MYH7B: variants seen among roughly 807,000 people sequenced by gnomAD.
MYH7B encodes the protein myosin-7B.
MYH7B carries 205 observed loss-of-function variants against 234.5 expected under a neutral mutation model. That is an observed-to-expected ratio of 0.87 (90% CI 0.78 to 0.98). The LOEUF (loss-of-function observed/expected upper bound fraction) is 0.98. Among genes scored for constraint, MYH7B ranks in the 50% least tolerant of loss-of-function variants. MYH7B has a pLI of 0.00. For missense variants in MYH7B, 2,652 were observed against 2,633.4 expected, an observed-to-expected ratio of 1.01 and a Z score of -0.15; for synonymous variants, 1,193 against 1,105.0, an observed-to-expected ratio of 1.08 and a Z score of -1.58.
chr20:34,988,257 G>A (rs1293406286), exon 19 of MYH7B: 15 of 1,611,374 alleles, frequency 9.3e-6, no homozygotes, highest in Admixed American at 1.7e-5. Context: ...CGACCTCATC[G>A]AGAAGGTGGG....
At chr20:34,982,591 T>G (rs372118883) in intron 10 of MYH7B, 36 bp downstream of exon 10, 3 of 1,472,468 alleles carry the variant, frequency 2.0e-6, no homozygotes, top group African/African-American at 1.4e-5. Context: ...TCCCCGTTGC[T>G]TCTCGCTGTT....
chr20:34,995,755 C>T (rs1186124090), intron 28 of MYH7B, among the ~76,000 whole-genome samples, 177 bp downstream of exon 28: 1 of 152,246 alleles, frequency 6.6e-6, no homozygotes, highest in East Asian at 1.9e-4. Flanking sequence ...AGCACTTACC[C>T]CATTAGGGTA....
chr20:34,999,854 G>C lies in MYH7B; in HGVS notation c.4729G>C (p.Ala1577Pro). 1.2e-6 allele frequency: 2 copies of C among 1,607,604 alleles called. No homozygotes were observed. The highest frequency in any genetic ancestry group is 1.7e-6 in the Non-Finnish European group (2 of 1,177,092). The change falls in exon 38 of 45, where the codon GCA (alanine) becomes CCA (proline). Residue 1577 changes from alanine to proline, a missense_variant. By Grantham distance (27) the Ala-to-Pro change is conservative. Transcript: ENST00000262873. ...CCAGCTGGAGCTCTCCCAGGTCAAA[G>C]CAGAAGTGGACCGGAAGCTGGCAGA...
chr20:34,968,744 G>T (rs1023896496), intron 2 of MYH7B, among the ~76,000 whole-genome samples: 2 of 152,218 alleles, frequency 1.3e-5, no homozygotes, highest in Non-Finnish European at 2.9e-5. Flanking sequence ...GCAGCAAGGG[G>T]CGTGTTAGAG....
At chr20:34,957,769 C>T (rs2081655344) in intron 1 of MYH7B, among the ~76,000 whole-genome samples, 2 of 152,174 alleles carry the variant, frequency 1.3e-5, no homozygotes, top group Admixed American at 1.3e-4. Flanking sequence ...GGATTACAGG[C>T]GTTAGCCACT....
chr20:35,000,960 C>T, intron 40 of MYH7B, 28 bp from the exon 41 acceptor site: 2 of 1,612,770 alleles, frequency 1.2e-6, no homozygotes, highest in Non-Finnish European at 1.7e-6. Context: ...TGAGGCTGGG[C>T]ACCTGACCAG....
At chr20:34,983,288 C>CTTTTTTTTTTTT (rs1360056840) in intron 10 of MYH7B, among the ~76,000 whole-genome samples, 2 of 64,096 alleles carry the variant, frequency 3.1e-5, no homozygotes, top group Non-Finnish European at 5.8e-5. Context: ...TCTTTCTTTT[C>CTTTTTTTTTTTT]TTTTCTTTTC....
At chr20:34,992,211 C>T (rs2082164860) in intron 24 of MYH7B, among the ~76,000 whole-genome samples, 1 of 152,014 alleles carries the variant, frequency 6.6e-6, no homozygotes, top group African/African-American at 2.4e-5. Context: ...CGGTGAAACC[C>T]CATCTCTACT....
chr20:35,001,220 C>T, intron 41 of MYH7B, 25 bp from the exon 42 acceptor site: 2 of 1,606,320 alleles, frequency 1.2e-6, no homozygotes, highest in African/African-American at 1.3e-5. Context: ...GTGGGCTTGG[C>T]ATCAGGCTGT....
At chr20:34,972,571 G>T (rs2081802868) in intron 2 of MYH7B, among the ~76,000 whole-genome samples, 1 of 152,086 alleles carries the variant, frequency 6.6e-6, no homozygotes, top group Non-Finnish European at 1.5e-5. Context: ...CCAGGGGAGT[G>T]TCAGCTCTAT....
At chr20:34,993,036 C>A in intron 24 of MYH7B, 66 bp from the exon 25 acceptor site, 1 of 1,561,746 alleles carries the variant, frequency 6.4e-7, no homozygotes. Flanking sequence ...CCCTGACTTC[C>A]CCATTCTCAG....
Position 34,997,658 on chromosome 20 carries a change from AC to A in MYH7B, c.3747+22del. On this transcript the variant is annotated intron_variant, in intron 32 of 44. Coordinates refer to ENST00000262873, the Ensembl canonical transcript of MYH7B. ...GCGCCAAGGTGTCCGTGCCTTCCTC[AC>A]CCCATACCCACCCTGACTTTAAACC... 6.2e-7 allele frequency: 1 copy of A among 1,611,474 alleles called. No individual in the cohort carries two copies. The highest frequency in any genetic ancestry group is 8.5e-7 in the Non-Finnish European group (1 of 1,178,972).
At chr20:34,999,750 T>G (rs1460723464) in intron 37 of MYH7B, 41 bp from the exon 38 acceptor site, 6 of 1,320,754 alleles carry the variant, frequency 4.5e-6, no homozygotes, top group South Asian at 4.2e-5. Context: ...CCACTGGCCA[T>G]CCCCCCCCCC....
chr20:34,988,014 G>A, intron 18 of MYH7B, 78 bp from the exon 19 acceptor site: 2 of 1,570,176 alleles, frequency 1.3e-6, no homozygotes, highest in Non-Finnish European at 1.7e-6. Context: ...GAAGTTGGGG[G>A]TGAACTCATG....
chr20:34,997,020 G>GA lies in MYH7B; in HGVS notation c.3267-63_3267-62insA, dbSNP rs1483311031. The GA allele has an allele frequency of 3.6e-5, 50 of 1,373,884 alleles. 4 individuals are homozygous for GA. The South Asian group carries it at 6.3e-4, about 17-fold the overall frequency. The allele number at this position is 1,373,884 out of a possible 1,614,324, so 85.1% of individuals were successfully genotyped here. ...CCTGAAGGGGACTGGGGGGCGTTAT[G>GA]GGGTCCCAGGCGGGTGGGTGGGAGT... is the stretch of plus-strand genomic sequence containing the variant. On this transcript the variant is annotated intron_variant, in intron 30 of 44. Transcript: ENST00000262873.
At chr20:34,991,740 A>G (rs1182607121) in intron 24 of MYH7B, among the ~76,000 whole-genome samples, 1 of 152,182 alleles carries the variant, frequency 6.6e-6, no homozygotes, top group Non-Finnish European at 1.5e-5. Context: ...ACAAGCATCC[A>G]TCGTTCCTTC....
intron 1 of MYH7B, among the ~76,000 whole-genome samples, chr20:34,956,733 G>A (rs1030658533): frequency 6.6e-6 from 1 of 152,166 alleles, no homozygotes; most frequent in Non-Finnish European, 1.5e-5. Context: ...CTGGGATGGG[G>A]ACAGTGTTCC....
rs1317281495 is a variant in MYH7B, at chr20:34,980,575, C to T, written c.343-3C>T. ...ATAAACCCTACCTATACTCTCTCTTCAGACCTACTCAGGCCTCTTCTGTGT... is the reference window on the plus strand; with the variant it reads ...ATAAACCCTACCTATACTCTCTCTTTAGACCTACTCAGGCCTCTTCTGTGT... On this transcript the variant is annotated splice_polypyrimidine_tract_variant and splice_region_variant and intron_variant, in intron 7 of 44. Transcript: ENST00000262873. The T allele has an allele frequency of 6.2e-7, 1 of 1,612,666 alleles. No homozygotes were observed. Among genetic ancestry groups the T allele is most frequent in the South Asian group, 1.1e-5 (1 of 91,046 alleles).
At chr20:34,983,298 C>CTTTTT (rs57589264) in intron 10 of MYH7B, among the ~76,000 whole-genome samples, 24 of 71,604 alleles carry the variant, frequency 3.4e-4, no homozygotes, top group Non-Finnish European at 6.6e-4. Context: ...CTTTTCTTTT[C>CTTTTT]TTTTTTTTTT....
Sources: gnomAD v4.1 joint callset for allele counts (sites outside exome capture counted in the v4.1 genomes callset) on GRCh38, gnomAD v4.1.1 for gene constraint, MANE v1.5 for transcripts, NCBI Gene and HGNC (gene_info 2026-07-23, HGNC 2026-07-21) for gene names.